The following KRT13 variants were observed in gnomAD, a reference collection of about 807,000 sequenced individuals.
KRT13 encodes keratin 13.
In KRT13, 27 loss-of-function variants were observed where a neutral mutation model predicts 40.6. The ratio of observed to expected loss-of-function variants is 0.67; its 90% CI spans 0.49 to 0.92. The LOEUF is 0.92. KRT13 is among the 40% of genes least tolerant of loss of function. The pLI, the probability that KRT13 is intolerant of heterozygous loss-of-function variation, is 0.00. For missense variants in KRT13, 605 were observed against 611.5 expected (o/e 0.99, Z 0.11); for synonymous variants, 266 against 240.3 (o/e 1.11, Z -0.99).
rs371297226 is a variant in KRT13 at position 41,503,033 on chromosome 17, G to T, written c.801C>A (p.Gly267=). ...QVNVEMDATP[G]IDLTRVLAEM... ...CTGCCAGCACGCGGGTCAGGTCAATGCCTGGGGTGGCATCCATCTCCACGT... is the reference window on the plus strand; with the variant it reads ...CTGCCAGCACGCGGGTCAGGTCAATTCCTGGGGTGGCATCCATCTCCACGT... Residue 267 remains glycine (G), a synonymous_variant, in exon 4 of 8, where the codon GGC becomes GGA. Transcript: ENST00000246635. 1 of 1,614,196 alleles carries T rather than the reference G, an allele frequency of 6.2e-7. No homozygotes were observed. The highest frequency in any genetic ancestry group is 8.5e-7 in the Non-Finnish European group (1 of 1,180,018).
Position 41,501,378 on chromosome 17 carries a change from C to T in KRT13, c.1271-16G>A, listed in dbSNP as rs1904844120. 1 of 1,542,900 alleles carries T rather than the reference C, an allele frequency of 6.5e-7. No individual in the cohort carries two copies. The highest frequency in any genetic ancestry group is 1.4e-5 in the African/African-American group (1 of 73,276). On this transcript the variant is annotated splice_polypyrimidine_tract_variant and intron_variant, in intron 7 of 7. Transcript: ENST00000246635. ...CTGACGCTTCCTGGGAAACAAGAGA[C>T]AAGACATGCTCAGGCTGGAGAAGAC...
At position 41,502,441 on chromosome 17, in the gene KRT13, C is replaced by G. The variant is rs1347118843; in HGVS notation, c.1177G>C (p.Asp393His). The part of the protein sequence containing the change: ...CQNQEYKMLL[D>H]IKTRLEQEIA... ...TCCTGCTCCAGACGTGTCTTGATGT[C>G]CAGCAGCATCTTGTACTCTTGGTTC... The change falls in exon 6 of 8, where the codon GAC becomes CAC. Residue 393 changes from aspartate to histidine, a missense_variant. Physicochemically the swap from Asp to His is moderately conservative, Grantham distance 81. Transcript: ENST00000246635. 1 of 1,614,236 alleles carries G rather than the reference C, an allele frequency of 6.2e-7. No individual in the cohort carries two copies. The highest frequency in any genetic ancestry group is 1.7e-5 in the Admixed American group (1 of 60,034).
chr17:41,502,358 G>T lies in KRT13; in HGVS notation c.1244+16C>A. On this transcript the variant is annotated intron_variant, in intron 6 of 7. Transcript: ENST00000246635. ...CTGCAGTCACTATCCTAAGAAAGAG[G>T]CTGGAGAGGACCTACTTGGCGTCCT... 5.0e-6 allele frequency: 8 copies of T among 1,613,960 alleles called. No individual in the cohort carries two copies. Among genetic ancestry groups the T allele is most frequent in the Non-Finnish European group, 6.8e-6 (8 of 1,180,034 alleles).
intron 1 of KRT13, among the ~76,000 whole-genome samples, 170 bp downstream of exon 1, chr17:41,504,886 C>T (rs1232796051): frequency 6.6e-6 from 1 of 152,216 alleles, no homozygotes; most frequent in Non-Finnish European, 1.5e-5. Context: ...GGAGTTGTGG[C>T]ATGAGAAAGC....
In KRT13 at chr17:41,503,656, C is replaced by G; in HGVS notation, c.565G>C (p.Asp189His). 6.2e-7 allele frequency: 1 copy of G among 1,613,738 alleles called. No homozygotes were observed. Among genetic ancestry groups the G allele is most frequent in the Non-Finnish European group, 8.5e-7 (1 of 1,179,818 alleles). ...AAAAAAACTCACTTGAGCCTGAAGT[C>G]GTCCGCAGCCAGCCTGGCATTGTCA... ...EIDNARLAAD[D>H]FRLKYENELA... is the part of the protein sequence containing the mutation. The change falls in exon 2 of 8, where the codon GAC becomes CAC. Residue 189 changes from aspartate to histidine, a missense_variant. Coordinates refer to ENST00000246635, the MANE Select transcript of KRT13 (RefSeq NM_153490.3).
intron 6 of KRT13, 152 bp from the exon 7 acceptor site, chr17:41,501,896 GC>G: frequency 6.6e-7 from 1 of 1,520,688 alleles, no homozygotes. Context: ...AGGGACAGCA[GC>G]ATCAGGTGCC....
At position 41,502,590 on chromosome 17, in the gene KRT13, G is replaced by T; in HGVS notation, c.1028C>A (p.Ala343Glu). The change falls in exon 6 of 8, where the codon GCG becomes GAG. Residue 343 changes from alanine to glutamate, a missense_variant. Physicochemically the swap from Ala to Glu is moderately radical, Grantham distance 107. Coordinates refer to ENST00000246635, the MANE Select transcript of KRT13 (RefSeq NM_153490.3). ...IELQSQLSMK[A>E]GLENTVAETE... ...CTCTGCCACCGTGTTCTCCAGCCCCGCTTTCTGGTGGAGCGACAGACAAGA... is the reference window on the plus strand; with the variant it reads ...CTCTGCCACCGTGTTCTCCAGCCCCTCTTTCTGGTGGAGCGACAGACAAGA... 6.2e-7 allele frequency: 1 copy of T among 1,613,464 alleles called. No homozygotes were observed.
At chr17:41,502,119 T>C (rs1317680252) in intron 6 of KRT13, 2 of 1,431,206 alleles carry the variant, frequency 1.4e-6, no homozygotes, top group Non-Finnish European at 1.8e-6. Context: ...TCAGCTGAGC[T>C]GTATCCAAGC....
intron 7 of KRT13, 75 bp from the exon 8 acceptor site, chr17:41,501,437 G>A: frequency 8.1e-7 from 1 of 1,238,662 alleles, no homozygotes; most frequent in South Asian, 1.3e-5. Flanking sequence ...CCCCTGGAGG[G>A]CTCACAAACT....
Position 41,505,080 on chromosome 17 carries a change from C to T in KRT13, c.471G>A (p.Lys157=), listed in dbSNP as rs1463781336. 6.2e-7 allele frequency: 1 copy of T among 1,614,240 alleles called. No homozygotes were observed. Residue 157 remains lysine, a synonymous_variant, in exon 1 of 8, where the codon AAG becomes AAA. Coordinates refer to ENST00000246635, the MANE Select transcript of KRT13 (RefSeq NM_153490.3). The part of the protein sequence containing the change: ...SPERDYSPYY[K]TIEELRDKIL... ...CCTTGTCCCGGAGCTCTTCAATGGT[C>T]TTGTAGTAGGGGCTGTAGTCCCGCT...
Position 41,503,066 on chromosome 17 carries a change from G to A in KRT13, c.768C>T (p.Gly256=), listed in dbSNP as rs769594376. The A allele has an allele frequency of 4.3e-6, 7 of 1,614,220 alleles. No individual in the cohort carries two copies. The Admixed American group carries it at 5.0e-5, about 12-fold the overall frequency. Residue 256 remains glycine (G), a synonymous_variant, in exon 4 of 8, where the codon GGC becomes GGT. Transcript: ENST00000246635. ...TGGCATCCATCTCCACGTTGACCTG[G>A]CCGACCACCTGGTTGCTAAATTCCT... is the stretch of plus-strand genomic sequence containing the variant. The part of the protein sequence containing the change: ...EMKEFSNQVV[G]QVNVEMDATP...
At chr17:41,503,150 T>C (rs756870891) in intron 3 of KRT13, 52 bp from the exon 4 acceptor site, 15 of 1,609,270 alleles carry the variant, frequency 9.3e-6, no homozygotes, top group Non-Finnish European at 1.3e-5. Flanking sequence ...TCCCTCTCCT[T>C]GGCTCTGAGT....
intron 1 of KRT13, chr17:41,503,942 G>C (rs1904969630): frequency 1.8e-6 from 1 of 545,408 alleles, no homozygotes; most frequent in Non-Finnish European, 3.3e-6. Flanking sequence ...CTCAATCAAA[G>C]CTGTCCTGGG....
intron 6 of KRT13, 42 bp from the exon 7 acceptor site, chr17:41,501,786 G>A (rs202106893): frequency 3.7e-5 from 58 of 1,582,226 alleles, no homozygotes; most frequent in Non-Finnish European, 4.7e-5. Flanking sequence ...GAGGGTAACT[G>A]AGGGCAGGTG....
At chr17:41,504,072 C>T in intron 1 of KRT13, 1 of 352,944 alleles carries the variant, frequency 2.8e-6, no homozygotes, top group South Asian at 2.5e-5. Flanking sequence ...TACCTCTAAA[C>T]TGTCCTGTGA....
intron 7 of KRT13, 103 bp downstream of exon 7, chr17:41,501,616 C>T: frequency 6.5e-7 from 1 of 1,539,298 alleles, no homozygotes; most frequent in East Asian, 2.4e-5. Flanking sequence ...CACTGGAGAG[C>T]CCAGCACTGG....
At position 41,503,860 on chromosome 17, in the gene KRT13, A is replaced by C; in HGVS notation, c.496-135T>G. On this transcript the variant is annotated intron_variant, in intron 1 of 7. Transcript: ENST00000246635. The stretch of plus-strand genomic sequence containing the variant: ...ACACTAACGATAGCTGATGGGCTAA[A>C]AAGAAATTGGCAAAAATAAAAAATA... 4.0e-6 allele frequency: 3 copies of C among 741,958 alleles called. No individual in the cohort carries two copies. The Admixed American group carries it at 6.6e-5, about 16-fold the overall frequency. The allele number at this position is 741,958 out of a possible 1,614,324, so 46.0% of individuals were successfully genotyped here. A position where few individuals can be genotyped will look rare whatever the true frequency, so the allele number is the denominator to read the frequency against.
At position 41,502,723 on chromosome 17, in the gene KRT13, T is replaced by G. The variant is rs560509278; in HGVS notation, c.987A>C (p.Gln329His). The stretch of plus-strand genomic sequence containing the variant: ...GGGACTGCAGCTCAATCTCCAGGCC[T>G]TGGAGCGTGCGCCTGAGCTCCGTGA... ...TEITELRRTL[Q>H]GLEIELQSQL... The change falls in exon 5 of 8, where the codon CAA (glutamine) becomes CAC (histidine). Residue 329 changes from glutamine to histidine, a missense_variant. Transcript: ENST00000246635. The G allele has an allele frequency of 6.2e-7, 1 of 1,614,186 alleles. No individual in the cohort carries two copies. The highest frequency in any genetic ancestry group is 1.1e-5 in the South Asian group (1 of 91,084).
chr17:41,503,170 G>C, intron 3 of KRT13, 72 bp from the exon 4 acceptor site: 1 of 1,605,844 alleles, frequency 6.2e-7, no homozygotes, highest in Non-Finnish European at 8.5e-7. Flanking sequence ...TGCTGGCAGA[G>C]TGTTCTGGAG....
Sources: gnomAD v4.1 joint callset for allele counts (sites outside exome capture counted in the v4.1 genomes callset) on GRCh38, gnomAD v4.1.1 for gene constraint, MANE v1.5 for transcripts, NCBI Gene and HGNC (gene_info 2026-07-23, HGNC 2026-07-21) for gene names.